POLN: variants seen among roughly 807,000 people sequenced by gnomAD.
POLN encodes DNA polymerase N.
Under a neutral mutation model 113.5 loss-of-function variants are expected in POLN, and 108 were observed. That is an observed-to-expected ratio of 0.95 (90% CI 0.81 to 1.12). The LOEUF is 1.12. POLN is among the 50% of genes most tolerant of loss of function. The pLI is 0.00. For missense variants in POLN, 1,097 were observed against 1,077.1 expected, an observed-to-expected ratio of 1.02 and a Z score of -0.26; for synonymous variants, 386 against 391.5, an observed-to-expected ratio of 0.99 and a Z score of 0.17.
intron 13 of POLN, among the ~76,000 whole-genome samples, chr4:2,165,594 G>A (rs1314703346): frequency 1.3e-5 from 2 of 151,910 alleles, no homozygotes; most frequent in Admixed American, 6.6e-5. Flanking sequence ...GTGTAACTAC[G>A]GACTCTGGGC....
In POLN at chr4:2,159,176, C is replaced by T. The variant is rs1732515441; in HGVS notation, c.1590G>A (p.Lys530=). The change falls in exon 14 of 26, where the codon AAG becomes AAA. Residue 530 remains lysine, a synonymous_variant. Coordinates refer to ENST00000511885, the MANE Select transcript of POLN (RefSeq NM_181808.4). ...NALRDLHPLP[K]IILEYRQVHK... ...TTACCTGCCTGTATTCCAAAATTAT[C>T]TTGGGTAATGGATGAAGGTCTCGCA... 6.2e-7 allele frequency: 1 copy of T among 1,608,892 alleles called. No homozygotes were observed. Among genetic ancestry groups the T allele is most frequent in the African/African-American group, 1.3e-5 (1 of 74,736 alleles).
At chr4:2,154,198 C>CAAAAAAAAA (rs58879582) in intron 16 of POLN, among the ~76,000 whole-genome samples, 3 of 63,908 alleles carry the variant, frequency 4.7e-5, no homozygotes, top group African/African-American at 7.8e-5. Context: ...TCCATCTCAA[C>CAAAAAAAAA]AAAAAAAAAA....
intron 12 of POLN, 83 bp from the exon 13 acceptor site, chr4:2,170,857 C>G: frequency 7.9e-7 from 1 of 1,266,106 alleles, no homozygotes; most frequent in Non-Finnish European, 1.1e-6. Flanking sequence ...CCCATGCCAA[C>G]AGCCAGAGAA....
At chr4:2,186,380 G>A (rs1733273631) in intron 7 of POLN, among the ~76,000 whole-genome samples, 1 of 152,110 alleles carries the variant, frequency 6.6e-6, no homozygotes. Flanking sequence ...CAGAAAGGCT[G>A]GTCAGTAGGA....
intron 13 of POLN, among the ~76,000 whole-genome samples, chr4:2,163,751 C>T (rs931115106): frequency 2.0e-5 from 3 of 152,220 alleles, no homozygotes; most frequent in Non-Finnish European, 4.4e-5. Context: ...TCCAAATCTC[C>T]GGGCAGGGCA....
chr4:2,219,829 A>T (rs1734212543), intron 3 of POLN, among the ~76,000 whole-genome samples: 1 of 152,150 alleles, frequency 6.6e-6, no homozygotes, highest in Admixed American at 6.5e-5. Context: ...CCTACAAGGA[A>T]CTAAAAGCCA....
intron 3 of POLN, among the ~76,000 whole-genome samples, chr4:2,224,299 T>C (rs1449261572): frequency 1.3e-5 from 2 of 152,226 alleles, no homozygotes; most frequent in East Asian, 1.9e-4. Flanking sequence ...CTAATACATA[T>C]GGAGCTGTCA....
In POLN at chr4:2,237,478, AAG is replaced by A. The variant is rs1315226327; in HGVS notation, c.-13+4040_-13+4041del. ...AGGAAAGGAAGGGAAAGAAGAGAGAAAGAGAGAGAAAGGGAGAGGAAGGAAGG... is the reference window on the plus strand; with the variant it reads ...AGGAAAGGAAGGGAAAGAAGAGAGAAAGAGAGAAAGGGAGAGGAAGGAAGG... On this transcript the variant is annotated intron_variant, in intron 2 of 25. Coordinates refer to ENST00000511885, the MANE Select transcript of POLN (RefSeq NM_181808.4). 2.6e-5 allele frequency among the ~76,000 whole-genome samples: 4 copies of A among 151,672 alleles called. No homozygotes were observed. The East Asian group carries it at 7.7e-4, about 29-fold the overall frequency.
chr4:2,162,151 CTT>C (rs896956916), intron 13 of POLN, among the ~76,000 whole-genome samples: 4 of 152,252 alleles, frequency 2.6e-5, no homozygotes, highest in Admixed American at 1.3e-4. Context: ...TTCTTTCCCT[CTT>C]TGCAATAAAT....
chr4:2,114,929 C>T (rs951101809), intron 19 of POLN, among the ~76,000 whole-genome samples: 2 of 151,704 alleles, frequency 1.3e-5, no homozygotes, highest in African/African-American at 4.8e-5. Flanking sequence ...GGAGGGCTTC[C>T]ACTTTTTTTT....
At chr4:2,239,885 C>T (rs759651773) in intron 2 of POLN, among the ~76,000 whole-genome samples, 4 of 152,164 alleles carry the variant, frequency 2.6e-5, no homozygotes, top group Non-Finnish European at 5.9e-5. Context: ...TTGTATGAAA[C>T]ATTGACACAG....
At chr4:2,146,500 A>G (rs1325341946) in intron 16 of POLN, among the ~76,000 whole-genome samples, 1 of 152,214 alleles carries the variant, frequency 6.6e-6, no homozygotes, top group African/African-American at 2.4e-5. Context: ...GCAAAACTCC[A>G]TCTCAACAAC....
At chr4:2,111,090 G>A (rs1386824121) in intron 19 of POLN, among the ~76,000 whole-genome samples, 6 of 152,234 alleles carry the variant, frequency 3.9e-5, no homozygotes, top group Non-Finnish European at 8.8e-5. Context: ...TTCAACATAT[G>A]AAAATCAATA....
chr4:2,201,296 A>AAAAAAAC (rs1733707518), intron 5 of POLN, among the ~76,000 whole-genome samples: 1 of 148,956 alleles, frequency 6.7e-6, no homozygotes, highest in South Asian at 2.1e-4. Context: ...AAAAAAAAAA[A>AAAAAAAC]AAAAAAACGA....
At chr4:2,092,336 G>A (rs530607284) in intron 20 of POLN, among the ~76,000 whole-genome samples, 47 of 152,374 alleles carry the variant, frequency 3.1e-4, no homozygotes, top group Middle Eastern at 3.4e-3. Context: ...CTCAGATCAA[G>A]ACCCGAGGAG....
intron 21 of POLN, among the ~76,000 whole-genome samples, chr4:2,083,807 T>TGTGATGGA (rs1730486836): frequency 6.6e-6 from 1 of 152,282 alleles, no homozygotes; most frequent in Admixed American, 6.5e-5. Context: ...TGATGCCACC[T>TGTGATGGA]GGCATAGAAA....
intron 16 of POLN, chr4:2,156,562 T>C: frequency 1.6e-6 from 1 of 632,158 alleles, no homozygotes; most frequent in Non-Finnish European, 2.9e-6. Flanking sequence ...CATGGGTTTC[T>C]GGGTGTGAAG....
At chr4:2,084,839 G>A (rs1468562830) in intron 21 of POLN, among the ~76,000 whole-genome samples, 1 of 152,214 alleles carries the variant, frequency 6.6e-6, no homozygotes, top group Non-Finnish European at 1.5e-5. Flanking sequence ...TCCTGTGCCT[G>A]TCATTCATCC....
intron 13 of POLN, among the ~76,000 whole-genome samples, chr4:2,169,147 G>T (rs1021727839): frequency 6.6e-6 from 1 of 152,338 alleles, no homozygotes; most frequent in African/African-American, 2.4e-5. Context: ...AGGCGCTGGA[G>T]TGGGGGGAGA....
Sources: allele counts gnomAD v4.1 joint callset (sites outside exome capture counted in the v4.1 genomes callset), GRCh38; gene constraint gnomAD v4.1.1; transcripts MANE v1.5; gene names NCBI Gene and HGNC (gene_info 2026-07-23, HGNC 2026-07-21).